BARD1: variants seen among roughly 807,000 people sequenced by gnomAD.
BARD1 encodes BRCA1-associated RING domain protein 1.
Under a neutral mutation model 77.0 loss-of-function variants are expected in BARD1, and 73 were observed. The observed-to-expected ratio is 0.95, with a 90% CI of 0.79 to 1.15. The LOEUF (loss-of-function observed/expected upper bound fraction) is 1.15, where lower values mean the gene tolerates loss of function less well. Ranked by LOEUF, BARD1 falls within the 50% of genes most tolerant of loss-of-function variation. The pLI is 0.00. For missense variants in BARD1, 993 were observed against 938.8 expected (o/e 1.06, Z -0.75); for synonymous variants, 384 against 338.0 (o/e 1.14, Z -1.49).
chr2:214,774,045 A>G (rs1012743288), intron 4 of BARD1, among the ~76,000 whole-genome samples: 32 of 152,326 alleles, frequency 2.1e-4, no homozygotes, highest in African/African-American at 7.5e-4. Context: ...TTTCTCATCT[A>G]TAACAAACAA....
At position 214,780,644 on chromosome 2, in the gene BARD1, A is replaced by G; in HGVS notation, c.1230T>C (p.Ser410=). 1 of 1,614,098 alleles carries G rather than the reference A, an allele frequency of 6.2e-7. No homozygotes were observed. The highest frequency in any genetic ancestry group is 1.1e-5 in the South Asian group (1 of 91,076). The change falls in exon 4 of 11, where the codon AGT becomes AGC. Residue 410 remains serine (S), a synonymous_variant. Transcript: ENST00000260947. The part of the protein sequence containing the change: ...SSSSYRRVMS[S]PSAMKLLPNM... ...TGGGCAACAGCTTCATTGCTGAGGG[A>G]CTAGACATCACTCGCCTGTAACTTG...
chr2:214,767,707 G>T lies in BARD1; in HGVS notation c.1396-53C>A, dbSNP rs1281662644. 4.7e-6 allele frequency: 7 copies of T among 1,496,806 alleles called. No individual in the cohort carries two copies. The South Asian group carries it at 6.8e-5, about 15-fold the overall frequency. 92.7% of individuals were successfully genotyped at this position (1,496,806 alleles called of 1,614,324 possible). A position where few individuals can be genotyped will look rare whatever the true frequency, so the allele number is the denominator to read the frequency against. ...AAAGAAGTGATAAGAAAGAGCAATG[G>T]ATGATATTATAATATCACACTTTAG... On this transcript the variant is annotated intron_variant, in intron 5 of 10. Coordinates refer to ENST00000260947, the MANE Select transcript of BARD1 (RefSeq NM_000465.4).
At chr2:214,793,774 A>G (rs1358512336) in intron 2 of BARD1, among the ~76,000 whole-genome samples, 3 of 152,078 alleles carry the variant, frequency 2.0e-5, no homozygotes, top group Non-Finnish European at 4.4e-5. Context: ...AAAAAATGTC[A>G]TTTTTCGGTG....
chr2:214,778,501 T>C (rs1010386265), intron 4 of BARD1, among the ~76,000 whole-genome samples: 1 of 152,116 alleles, frequency 6.6e-6, no homozygotes, highest in African/African-American at 2.4e-5. Flanking sequence ...ACAAAACTCA[T>C]ATGAAGTAAT....
rs1315128548 is a variant in BARD1 at position 214,728,750 on chromosome 2, T to G, written c.2260A>C (p.Lys754Gln). The G allele has an allele frequency of 6.2e-7, 1 of 1,614,222 alleles. No homozygotes were observed. Among genetic ancestry groups the G allele is most frequent in the South Asian group, 1.1e-5 (1 of 91,086 alleles). Residue 754 changes from lysine to glutamine, a missense_variant, in exon 11 of 11, where the codon AAA (lysine) becomes CAA (glutamine). Transcript: ENST00000260947. ...NYHPERVRQG[K>Q]VWKAPSSWFI... Reference sequence around the variant, plus strand: ...CAGCTCGAAGGAGCCTTCCAGACTTTGCCCTGCCGAACCCTCTCTGGGTGA... The same window carrying G: ...CAGCTCGAAGGAGCCTTCCAGACTTGGCCCTGCCGAACCCTCTCTGGGTGA...
intron 4 of BARD1, among the ~76,000 whole-genome samples, chr2:214,771,924 GAAAAAAAA>G (rs10602414): frequency 6.5e-5 from 7 of 107,162 alleles, no homozygotes; most frequent in Admixed American, 3.8e-4. Flanking sequence ...CCAGTTTCAG[GAAAAAAAA>G]AAAAAAAAAA....
intron 1 of BARD1, among the ~76,000 whole-genome samples, chr2:214,800,183 G>C (rs112377188): frequency 0.012 from 1,796 of 152,294 alleles, 35 homozygotes; most frequent in African/African-American, 0.04. Flanking sequence ...GCAATAAGGT[G>C]CTATCACATA....
chr2:214,774,878 T>C (rs1694670273), intron 4 of BARD1, among the ~76,000 whole-genome samples: 1 of 152,230 alleles, frequency 6.6e-6, no homozygotes, highest in African/African-American at 2.4e-5. Context: ...TGTTATATTA[T>C]GGAGACAGCT....
intron 6 of BARD1, among the ~76,000 whole-genome samples, chr2:214,753,194 A>T (rs1693538665): frequency 1.3e-5 from 2 of 152,156 alleles, no homozygotes; most frequent in South Asian, 4.1e-4. Context: ...GATCCTGTTC[A>T]AGATAAGAAA....
Position 214,730,920 on chromosome 2 carries a change from T to A in BARD1, c.1904-412A>T, listed in dbSNP as rs536758903. The A allele has an allele frequency of 1.1e-4, 52 of 457,218 alleles. No homozygotes were observed. The highest frequency in any genetic ancestry group is 2.1e-4 in the Non-Finnish European group (48 of 227,420). The allele number at this position is 457,218 out of a possible 1,614,324, so 28.3% of individuals were successfully genotyped here. A position where few individuals can be genotyped will look rare whatever the true frequency, so the allele number is the denominator to read the frequency against. On this transcript the variant is annotated intron_variant, in intron 9 of 10. Coordinates refer to ENST00000260947, the MANE Select transcript of BARD1 (RefSeq NM_000465.4). ...ACTGAGCACTTACCATCTATACTGC[T>A]CATTTTGACAGTTATATGTCTAATC...
intron 9 of BARD1, among the ~76,000 whole-genome samples, chr2:214,744,400 T>C (rs1692996109): frequency 6.6e-6 from 1 of 152,206 alleles, no homozygotes; most frequent in Non-Finnish European, 1.5e-5. Flanking sequence ...AAGCAATAAA[T>C]TGCTTTCATT....
chr2:214,730,294 C>T, intron 10 of BARD1, 117 bp downstream of exon 10: 1 of 849,928 alleles, frequency 1.2e-6, no homozygotes, highest in Middle Eastern at 2.2e-4. Flanking sequence ...GAAATAAGCA[C>T]AATTAAAATT....
rs2106112637 is a variant in BARD1, at chr2:214,781,482, CTT to C, written c.390_391del (p.Ser131PhefsTer3). ...CTTGTTTCCTGCATCATTAAACAAA[CTT>C]TTCCTAGGTTTATCTTCTTTCAAAT... On this transcript the variant is annotated frameshift_variant, in exon 4 of 11. Transcript: ENST00000260947. LOFTEE classifies it high-confidence loss of function. 6.2e-7 allele frequency: 1 copy of C among 1,611,750 alleles called. No individual in the cohort carries two copies. The highest frequency in any genetic ancestry group is 8.5e-7 in the Non-Finnish European group (1 of 1,179,436).
At chr2:214,762,647 T>C (rs185043511) in intron 6 of BARD1, among the ~76,000 whole-genome samples, 6 of 152,080 alleles carry the variant, frequency 3.9e-5, no homozygotes, top group Admixed American at 3.9e-4. Flanking sequence ...AACTGATGTA[T>C]TCATTTAAAG....
At chr2:214,798,541 C>A (rs1326758653) in intron 1 of BARD1, among the ~76,000 whole-genome samples, 1 of 152,046 alleles carries the variant, frequency 6.6e-6, no homozygotes, top group Non-Finnish European at 1.5e-5. Flanking sequence ...CCTGGCCAAA[C>A]CTCCACCTTC....
At chr2:214,744,081 T>C (rs1208670323) in intron 9 of BARD1, among the ~76,000 whole-genome samples, 1 of 152,186 alleles carries the variant, frequency 6.6e-6, no homozygotes, top group Non-Finnish European at 1.5e-5. Context: ...AAAGTAGATA[T>C]GTTAACTATT....
chr2:214,751,151 ATTTTTTTTT>A (rs60746999), intron 7 of BARD1, among the ~76,000 whole-genome samples: 4 of 37,190 alleles, frequency 1.1e-4, no homozygotes, highest in African/African-American at 4.9e-4. Context: ...ATATATATAT[ATTTTTTTTT>A]TTTTTTTTTT....
chr2:214,766,757 T>A (rs941665590), intron 6 of BARD1, among the ~76,000 whole-genome samples: 26 of 152,238 alleles, frequency 1.7e-4, no homozygotes, highest in African/African-American at 6.3e-4. Context: ...AAATGCTGTA[T>A]AAATATTTAT....
intron 6 of BARD1, among the ~76,000 whole-genome samples, chr2:214,756,001 T>C (rs545420174): frequency 6.6e-6 from 1 of 152,350 alleles, no homozygotes; most frequent in East Asian, 1.9e-4. Flanking sequence ...TTTAATGCCT[T>C]ATCAACGGAC....
Sources: allele counts gnomAD v4.1 joint callset (sites outside exome capture counted in the v4.1 genomes callset), GRCh38; gene constraint gnomAD v4.1.1; transcripts MANE v1.5; gene names NCBI Gene and HGNC (gene_info 2026-07-23, HGNC 2026-07-21).